The following GALNT9 variants were observed in gnomAD, a reference collection of about 807,000 sequenced individuals.
GALNT9 encodes GalNAc transferase 9.
GALNT9 carries 47 observed loss-of-function variants against 63.1 expected under a neutral mutation model. That is an observed-to-expected ratio of 0.75 (90% CI 0.59 to 0.95). The LOEUF (loss-of-function observed/expected upper bound fraction) is 0.95, where lower values mean the gene tolerates loss of function less well. Ranked by LOEUF, GALNT9 falls within the 40% of genes least tolerant of loss-of-function variation. The pLI is 0.00. For synonymous variants in GALNT9, 396 were observed against 365.7 expected (o/e 1.08, Z -0.94); for missense variants, 829 against 874.8 (o/e 0.95, Z 0.66).
intron 2 of GALNT9, among the ~76,000 whole-genome samples, chr12:132,267,745 GCACA>G (rs530490538): frequency 7.5e-6 from 1 of 132,462 alleles, no homozygotes; most frequent in African/African-American, 4.1e-5. Context: ...AAATACACAA[GCACA>G]CACACTCACA....
At position 132,286,486 on chromosome 12, in the gene GALNT9, C is replaced by G; in HGVS notation, c.239-56G>C. On this transcript the variant is annotated intron_variant, in intron 1 of 10. Transcript: ENST00000328957. This position sits in a 1 kb window ranked among gnomAD's most constrained non-coding sequence, Gnocchi z 7.4. The stretch of plus-strand genomic sequence containing the variant: ...AGGCCCAGGACACGCTGCGTCTGCA[C>G]CCAGGAGACGCCCCTCCCGCCCCTC... The G allele has an allele frequency of 1.3e-6, 2 of 1,487,978 alleles. No homozygotes were observed. The highest frequency in any genetic ancestry group is 1.8e-6 in the Non-Finnish European group (2 of 1,118,822). The allele number at this position is 1,487,978 out of a possible 1,614,324, so 92.2% of individuals were successfully genotyped here.
rs1878532140 is a variant in GALNT9 at position 132,243,331 on chromosome 12, T to G, written c.1077+4579A>C. Among the ~76,000 whole-genome samples the G allele has an allele frequency of 1.6e-5, 2 of 122,634 alleles. 1 individual carries two copies. Among genetic ancestry groups the G allele is most frequent in the Non-Finnish European group, 3.5e-5 (2 of 57,970 alleles). The allele number at this position is 122,634 out of a possible 152,430, so 80.5% of individuals were successfully genotyped here. Reference sequence around the variant, plus strand: ...CCCATTACACACACACCACACACCCTTCCCGGGGGGCCATCAGGGCCCCCA... The same window carrying G: ...CCCATTACACACACACCACACACCCGTCCCGGGGGGCCATCAGGGCCCCCA... On this transcript the variant is annotated intron_variant, in intron 6 of 10. Coordinates refer to ENST00000328957, the MANE Select transcript of GALNT9 (RefSeq NM_001122636.2).
intron 1 of GALNT9, among the ~76,000 whole-genome samples, chr12:132,298,408 C>A (rs1482461152): frequency 6.7e-6 from 1 of 150,316 alleles, no homozygotes; most frequent in Non-Finnish European, 1.5e-5. Flanking sequence ...CTCCTGATAA[C>A]CAAGCCACTC....
At chr12:132,248,764 G>C (rs930883446) in intron 5 of GALNT9, among the ~76,000 whole-genome samples, 2 of 152,198 alleles carry the variant, frequency 1.3e-5, no homozygotes, top group African/African-American at 4.8e-5. Context: ...ATTCTAAAAC[G>C]TCAGCCGACT....
At chr12:132,291,635 C>CA (rs1880856844) in intron 1 of GALNT9, among the ~76,000 whole-genome samples, 2 of 144,946 alleles carry the variant, frequency 1.4e-5, no homozygotes, top group Admixed American at 1.4e-4. Flanking sequence ...TCCACACCAC[C>CA]CACATCCACA....
intron 6 of GALNT9, among the ~76,000 whole-genome samples, chr12:132,215,695 G>A (rs1457507316): frequency 2.0e-5 from 3 of 152,222 alleles, no homozygotes; most frequent in African/African-American, 2.4e-5. Flanking sequence ...CCACGAGGCC[G>A]GGCTGGCACC....
At chr12:132,209,508 C>T (rs1194722552) in intron 6 of GALNT9, among the ~76,000 whole-genome samples, 1 of 152,146 alleles carries the variant, frequency 6.6e-6, no homozygotes, top group African/African-American at 2.4e-5. Context: ...CGAGATCGCA[C>T]CATTGCACTC....
Position 132,316,399 on chromosome 12 carries a change from A to C in GALNT9, c.238+12567T>G, listed in dbSNP as rs561143683. Among the ~76,000 whole-genome samples, 1 of 152,250 alleles carries C rather than the reference A, an allele frequency of 6.6e-6. No homozygotes were observed. Among genetic ancestry groups the C allele is most frequent in the African/African-American group, 2.4e-5 (1 of 41,526 alleles). On this transcript the variant is annotated intron_variant, in intron 1 of 10. Transcript: ENST00000328957. The surrounding 1 kb of genome is among the most constrained non-coding windows in gnomAD (Gnocchi z 4.3). Reference sequence around the variant, plus strand: ...TAACCGAGCATATACTTCCTTTAAAAATCTATTTAGTGCTATAGCTTCACT... The same window carrying C: ...TAACCGAGCATATACTTCCTTTAAACATCTATTTAGTGCTATAGCTTCACT...
At position 132,268,704 on chromosome 12, in the gene GALNT9, A is replaced by G. The variant is rs181913836; in HGVS notation, c.420-6079T>C. Among the ~76,000 whole-genome samples the G allele has an allele frequency of 3.0e-4, 46 of 152,332 alleles. No homozygotes were observed. In the South Asian group the frequency reaches 3.7e-3, roughly 12 times the overall value. On this transcript the variant is annotated intron_variant, in intron 2 of 10. Transcript: ENST00000328957. ...CAAAAGTAAGAAAACAAAATGTCCA[A>G]TGAAAACTGGGGAAAAGACCAGAAC...
intron 6 of GALNT9, among the ~76,000 whole-genome samples, chr12:132,222,913 TACATCCC>T (rs1877513169): frequency 8.4e-4 from 6 of 7,108 alleles, no homozygotes; most frequent in African/African-American, 3.4e-3. Context: ...ACACCCCACA[TACATCCC>T]ACACAACCCA....
intron 1 of GALNT9, among the ~76,000 whole-genome samples, chr12:132,287,100 C>G (rs1181127289): frequency 7.2e-6 from 1 of 138,798 alleles, no homozygotes; most frequent in African/African-American, 2.6e-5. Flanking sequence ...CAGTGAGTCA[C>G]CTGCATCGGG....
chr12:132,304,422 C>T (rs369772773), intron 1 of GALNT9, among the ~76,000 whole-genome samples: 9 of 62,346 alleles, frequency 1.4e-4, no homozygotes, highest in African/African-American at 2.5e-4. Context: ...CGCCCTCACC[C>T]GGGCACAGCC....
In GALNT9 at chr12:132,238,017, G is replaced by A. The variant is rs1555236476; in HGVS notation, c.1077+9893C>T. ...AAACATCTGTGACCCCAGCAGACGG[G>A]GAGCCAGGCAAGGACTCTGCAGTGG... is the stretch of plus-strand genomic sequence containing the variant. On this transcript the variant is annotated intron_variant, in intron 6 of 10. Coordinates refer to ENST00000328957, the MANE Select transcript of GALNT9 (RefSeq NM_001122636.2). This position sits in a 1 kb window ranked among gnomAD's most constrained non-coding sequence, Gnocchi z 6.5. Among the ~76,000 whole-genome samples, 1 of 152,206 alleles carries A rather than the reference G, an allele frequency of 6.6e-6. No individual in the cohort carries two copies. The highest frequency in any genetic ancestry group is 2.4e-5 in the African/African-American group (1 of 41,450).
intron 1 of GALNT9, among the ~76,000 whole-genome samples, chr12:132,297,274 C>G (rs144096448): frequency 8.6e-4 from 129 of 149,818 alleles, no homozygotes; most frequent in Non-Finnish European, 1.5e-3. Flanking sequence ...CCAGGATAAT[C>G]AAGACACTGC....
chr12:132,327,267 G>C lies in GALNT9; in HGVS notation c.238+1699C>G, dbSNP rs531008068. On this transcript the variant is annotated intron_variant, in intron 1 of 10. Transcript: ENST00000328957. The surrounding 1 kb of genome is among the most constrained non-coding windows in gnomAD (Gnocchi z 4.3). The stretch of plus-strand genomic sequence containing the variant: ...GACAGAGGACAGGAGGAAGCGGGAT[G>C]GGAGAAGGCAGTGGGGGCGGTGGGC... 1.3e-5 allele frequency among the ~76,000 whole-genome samples: 2 copies of C among 151,714 alleles called. No individual in the cohort carries two copies. Among genetic ancestry groups the C allele is most frequent in the African/African-American group, 4.8e-5 (2 of 41,336 alleles).
chr12:132,282,000 C>T (rs1377168581), intron 2 of GALNT9, among the ~76,000 whole-genome samples: 1 of 145,100 alleles, frequency 6.9e-6, no homozygotes. Flanking sequence ...AGCTCCACTG[C>T]AGCAAGGCCA....
rs568203602 is a variant in GALNT9, at chr12:132,296,071, G to A, written c.239-9641C>T. Among the ~76,000 whole-genome samples the A allele has an allele frequency of 8.3e-5, 12 of 145,222 alleles. No homozygotes were observed. Among genetic ancestry groups the A allele is most frequent in the South Asian group, 2.2e-4 (1 of 4,604 alleles). On this transcript the variant is annotated intron_variant, in intron 1 of 10. Coordinates refer to ENST00000328957, the MANE Select transcript of GALNT9 (RefSeq NM_001122636.2). The surrounding 1 kb of genome is among the most constrained non-coding windows in gnomAD (Gnocchi z 4.2). ...GAGCCTCTGAACAGGGAGAGGCTCC[G>A]GAACAGGGAGAGCCTCCGAACAGGG...
At chr12:132,320,646 C>A (rs1287525812) in intron 1 of GALNT9, among the ~76,000 whole-genome samples, 1 of 29,414 alleles carries the variant, frequency 3.4e-5, no homozygotes, top group Non-Finnish European at 6.7e-5. Context: ...CCGTGGGACA[C>A]GGTGGAGGAG....
In GALNT9 at chr12:132,196,881, A is replaced by T. The variant is rs1875540740; in HGVS notation, c.*226T>A. ...TTTGAGTTGGCATCACTGTCCCCAG[A>T]CGCCCTCCCTCGGGTAGAGCCGCCT... On this transcript the variant is annotated 3_prime_UTR_variant, in exon 11 of 11. Transcript: ENST00000328957. 1 of 1,375,794 alleles carries T rather than the reference A, an allele frequency of 7.3e-7. No homozygotes were observed. The highest frequency in any genetic ancestry group is 1.5e-5 in the African/African-American group (1 of 67,934). 85.2% of individuals were successfully genotyped at this position (1,375,794 alleles called of 1,614,324 possible).
Sources: gnomAD v4.1 joint callset for allele counts (sites outside exome capture counted in the v4.1 genomes callset) on GRCh38, gnomAD v4.1.1 for gene constraint, Gnocchi (gnomAD v3.1) non-coding constraint, MANE v1.5 for transcripts, NCBI Gene and HGNC (gene_info 2026-07-23, HGNC 2026-07-21) for gene names.